The following PLEKHA7 variants were observed in gnomAD, a reference collection of about 807,000 sequenced individuals.
PLEKHA7 encodes the protein pleckstrin homology domain-containing family A member 7.
A neutral mutation model predicts 170.0 loss-of-function variants in PLEKHA7; 104 were observed. The observed-to-expected ratio is 0.61, with a 90% CI of 0.52 to 0.72. PLEKHA7 has a LOEUF of 0.72. Among genes scored for constraint, PLEKHA7 ranks in the 30% least tolerant of loss-of-function variants. PLEKHA7 has a pLI of 0.00. For synonymous variants in PLEKHA7, 648 were observed against 660.8 expected, an observed-to-expected ratio of 0.98 and a Z score of 0.30; for missense variants, 1,615 against 1,671.7, an observed-to-expected ratio of 0.97 and a Z score of 0.59.
chr11:16,901,099 G>A (rs1293373039), intron 3 of PLEKHA7, among the ~76,000 whole-genome samples: 2 of 151,994 alleles, frequency 1.3e-5, no homozygotes, highest in African/African-American at 2.4e-5. Context: ...CGCCTGCCTC[G>A]ACCTCCCGAA....
At chr11:16,819,445 T>C (rs949422786) in intron 10 of PLEKHA7, among the ~76,000 whole-genome samples, 24 of 152,138 alleles carry the variant, frequency 1.6e-4, no homozygotes, top group Non-Finnish European at 3.2e-4. Context: ...AGGGACAAAG[T>C]ATGGAATTTT....
rs1224684936 is a variant in PLEKHA7, at chr11:16,794,931, C to A, written c.2497G>T (p.Val833Leu). The A allele has an allele frequency of 6.2e-7, 1 of 1,612,806 alleles. No homozygotes were observed. The highest frequency in any genetic ancestry group is 1.3e-5 in the African/African-American group (1 of 74,926). Residue 833 changes from valine to leucine, a missense_variant, in exon 18 of 27, where the codon GTG (valine) becomes TTG (leucine). Transcript: ENST00000531066. ...TCACCCGGATTTTTTACTGACTCCACTAGAATTCTGAAGTTCTCTTTATTT... is the reference window on the plus strand; with the variant it reads ...TCACCCGGATTTTTTACTGACTCCAATAGAATTCTGAAGTTCTCTTTATTT... ...SANKENFRIL[V>L]ESVKNPERKT...
intron 3 of PLEKHA7, among the ~76,000 whole-genome samples, chr11:16,949,790 C>G (rs911010457): frequency 6.6e-6 from 1 of 151,936 alleles, no homozygotes; most frequent in Non-Finnish European, 1.5e-5. Context: ...GTAACAAATG[C>G]TGTCAGAGCA....
intron 6 of PLEKHA7, 90 bp downstream of exon 6, chr11:16,854,799 G>T: frequency 9.1e-7 from 1 of 1,097,042 alleles, no homozygotes; most frequent in Non-Finnish European, 1.4e-6. Context: ...GAAAGCTTAT[G>T]TGCCCATCCC....
At position 16,831,287 on chromosome 11, in the gene PLEKHA7, AG is replaced by A. The variant is rs532425204; in HGVS notation, c.873-4698del. On this transcript the variant is annotated intron_variant, in intron 9 of 26. Transcript: ENST00000531066. The stretch of plus-strand genomic sequence containing the variant: ...TAAGTTATGGAATTTAAGGTCAAAA[AG>A]GTTTTTTGGTATTCTCCCTGTCTCC... Among the ~76,000 whole-genome samples, 26 of 152,300 alleles carry A rather than the reference AG, an allele frequency of 1.7e-4. 1 individual carries two copies. The South Asian group carries it at 5.2e-3, about 30-fold the overall frequency.
At chr11:16,858,309 C>T (rs1245648115) in intron 4 of PLEKHA7, among the ~76,000 whole-genome samples, 1 of 152,128 alleles carries the variant, frequency 6.6e-6, no homozygotes, top group Non-Finnish European at 1.5e-5. Flanking sequence ...AATGTAAACA[C>T]TTTCTCCGTT....
intron 4 of PLEKHA7, among the ~76,000 whole-genome samples, chr11:16,865,518 G>A (rs899917555): frequency 6.6e-6 from 1 of 152,162 alleles, no homozygotes; most frequent in African/African-American, 2.4e-5. Context: ...GAGGCTAGAA[G>A]TTCAAGACCA....
intron 3 of PLEKHA7, among the ~76,000 whole-genome samples, chr11:16,981,817 G>A (rs983654476): frequency 6.6e-5 from 10 of 152,136 alleles, no homozygotes; most frequent in Non-Finnish European, 1.0e-4. Context: ...CATTGTCTCC[G>A]TCTGAACTGC....
intron 10 of PLEKHA7, among the ~76,000 whole-genome samples, chr11:16,824,385 T>A (rs1009839773): frequency 3.3e-5 from 5 of 152,078 alleles, no homozygotes; most frequent in African/African-American, 1.2e-4. Context: ...AAATAAAAAA[T>A]AACTAAAAGG....
intron 4 of PLEKHA7, among the ~76,000 whole-genome samples, chr11:16,857,356 TCAGA>T (rs1409394346): frequency 3.9e-5 from 6 of 152,186 alleles, no homozygotes. Context: ...CCTTATCAGC[TCAGA>T]CACTCACTCC....
intron 3 of PLEKHA7, among the ~76,000 whole-genome samples, chr11:16,896,285 C>T (rs1856986219): frequency 6.6e-6 from 1 of 152,190 alleles, no homozygotes; most frequent in African/African-American, 2.4e-5. Flanking sequence ...TGAAGGTCAC[C>T]AAGGAGCACT....
intron 8 of PLEKHA7, 118 bp downstream of exon 8, chr11:16,851,073 G>C (rs1468680909): frequency 3.1e-6 from 2 of 648,734 alleles, no homozygotes; most frequent in Admixed American, 7.1e-5. Flanking sequence ...TTGTTAACCG[G>C]AATCTGAAAC....
At chr11:16,944,728 A>C (rs958654328) in intron 3 of PLEKHA7, among the ~76,000 whole-genome samples, 5 of 152,064 alleles carry the variant, frequency 3.3e-5, no homozygotes, top group African/African-American at 1.2e-4. Context: ...ATTGTTGGAG[A>C]TGTTTTTCTC....
chr11:16,890,057 T>C (rs1856511812), intron 3 of PLEKHA7, among the ~76,000 whole-genome samples: 1 of 152,168 alleles, frequency 6.6e-6, no homozygotes, highest in African/African-American at 2.4e-5. Context: ...AAACTAAGCT[T>C]CATAAATGAA....
At position 16,786,984 on chromosome 11, in the gene PLEKHA7, G is replaced by A. The variant is rs7939776; in HGVS notation, c.3358-597C>T. On this transcript the variant is annotated intron_variant, in intron 23 of 26. Coordinates refer to ENST00000531066, the MANE Select transcript of PLEKHA7 (RefSeq NM_001329630.2). ...TGAGACCCATCTATTTGAGATAGAT[G>A]TTTTCTTTAAATTAGAAAAAAAAAC... 3,837 of 985,184 alleles carry A rather than the reference G, an allele frequency of 3.9e-3. 84 individuals carry two copies. The African/African-American group carries it at 0.057, about 15-fold the overall frequency. 61.0% of individuals were successfully genotyped at this position (985,184 alleles called of 1,614,324 possible).
At chr11:16,783,346 G>A (rs2134130813) in intron 25 of PLEKHA7, among the ~76,000 whole-genome samples, 1 of 152,360 alleles carries the variant, frequency 6.6e-6, no homozygotes, top group East Asian at 1.9e-4. Context: ...AGGGTGCACA[G>A]GCCCGAATGC....
chr11:16,875,739 C>T (rs548893979), intron 3 of PLEKHA7, among the ~76,000 whole-genome samples: 2 of 152,148 alleles, frequency 1.3e-5, no homozygotes, highest in South Asian at 2.1e-4. Flanking sequence ...CCACCGTGCT[C>T]GGCCTAAATT....
chr11:17,008,233 T>A (rs1027568132), intron 3 of PLEKHA7, among the ~76,000 whole-genome samples: 1 of 152,186 alleles, frequency 6.6e-6, no homozygotes, highest in African/African-American at 2.4e-5. Context: ...AAGGGTCTTG[T>A]GCAATCAGCT....
intron 9 of PLEKHA7, among the ~76,000 whole-genome samples, chr11:16,835,633 G>T (rs747160065): frequency 3.9e-5 from 6 of 152,192 alleles, no homozygotes; most frequent in Admixed American, 6.5e-5. Flanking sequence ...TGATACATTT[G>T]TTTAATTTAA....
Sources: gnomAD v4.1 joint callset for allele counts (sites outside exome capture counted in the v4.1 genomes callset) on GRCh38, gnomAD v4.1.1 for gene constraint, MANE v1.5 for transcripts, NCBI Gene and HGNC (gene_info 2026-07-23, HGNC 2026-07-21) for gene names.